FBXL12: variants seen among roughly 807,000 people sequenced by gnomAD.
FBXL12 encodes the protein F-box and leucine rich repeat protein 12.
A neutral mutation model predicts 24.9 loss-of-function variants in FBXL12; 22 were observed. The ratio of observed to expected loss-of-function variants is 0.88; its 90% confidence interval spans 0.63 to 1.26. The LOEUF is 1.26. Ranked by LOEUF, FBXL12 falls within the 50% of genes most tolerant of loss-of-function variation. The probability of loss-of-function intolerance (pLI) is 0.00; values close to 1 mark genes in which losing one functional copy is unlikely to be tolerated. For missense variants in FBXL12, 384 were observed against 434.1 expected (o/e 0.88, Z 1.03); for synonymous variants, 193 against 193.8 (o/e 1.00, Z 0.03).
Position 9,811,719 on chromosome 19 carries a change from T to C in FBXL12, c.160-2A>G. ...GTGCCACATGACTTTAGGTCGCATCTGTAAGAGCCAGAGATTGGGGTGACA... is the reference window on the plus strand; with the variant it reads ...GTGCCACATGACTTTAGGTCGCATCCGTAAGAGCCAGAGATTGGGGTGACA... On this transcript the variant is annotated splice_acceptor_variant, in intron 2 of 2. Coordinates refer to ENST00000247977, the MANE Select transcript of FBXL12 (RefSeq NM_017703.3). LOFTEE classifies it high-confidence loss of function. This position sits in a 1 kb window ranked among gnomAD's most constrained non-coding sequence, Gnocchi z 6.0. 3 of 1,508,304 alleles carry C rather than the reference T, an allele frequency of 2.0e-6. No homozygotes were observed. Among genetic ancestry groups the C allele is most frequent in the Non-Finnish European group, 2.7e-6 (3 of 1,128,446 alleles). 93.4% of individuals were successfully genotyped at this position (1,508,304 alleles called of 1,614,324 possible).
chr19:9,816,863 T>C (rs575635153), intron 2 of FBXL12, among the ~76,000 whole-genome samples: 1 of 152,318 alleles, frequency 6.6e-6, no homozygotes, highest in East Asian at 1.9e-4. Flanking sequence ...GAGGTTTAAT[T>C]GAACTTAAGT....
In FBXL12 at chr19:9,811,805, G is replaced by A. The variant is rs2045761794; in HGVS notation, c.160-88C>T. The A allele has an allele frequency of 5.3e-6, 6 of 1,139,700 alleles. No homozygotes were observed. The highest frequency in any genetic ancestry group is 5.9e-6 in the Non-Finnish European group (5 of 844,048). The allele number at this position is 1,139,700 out of a possible 1,614,324, so 70.6% of individuals were successfully genotyped here. On this transcript the variant is annotated intron_variant, in intron 2 of 2. Coordinates refer to ENST00000247977, the MANE Select transcript of FBXL12 (RefSeq NM_017703.3). This position sits in a 1 kb window ranked among gnomAD's most constrained non-coding sequence, Gnocchi z 6.0. ...GGCTGGAGACACACAACCCCGGGGT[G>A]GGGGATTCTGGTGCCCTGCTGGGCT...
Position 9,819,046 on chromosome 19 carries a change from A to T in FBXL12, c.-233T>A. The T allele has an allele frequency of 1.7e-6, 1 of 580,484 alleles. No homozygotes were observed. The highest frequency in any genetic ancestry group is 2.1e-5 in the South Asian group (1 of 48,726). 36.0% of individuals were successfully genotyped at this position (580,484 alleles called of 1,614,324 possible). On this transcript the variant is annotated 5_prime_UTR_variant, in exon 1 of 3. Coordinates refer to ENST00000247977, the MANE Select transcript of FBXL12 (RefSeq NM_017703.3). ...GTGAGAGGCTTGCGGGAGGTGGCTG[A>T]GGCGTGATTTGGCCGCGACTGGGAA...
At position 9,811,341 on chromosome 19, in the gene FBXL12, C is replaced by T. The variant is rs374801747; in HGVS notation, c.536G>A (p.Arg179His). Reference protein sequence around the residue: ...LQGLTRFRALRSLVLGGTYRV... With the variant: ...LQGLTRFRALHSLVLGGTYRV... ...GTAGGTACCACCCAGCACCAGCGAG[C>T]GCAAGGCCCGGAAGCGCGTCAGGCC... Residue 179 changes from arginine (R) to histidine (H), a missense_variant, in exon 3 of 3, where the codon CGC (arginine) becomes CAC (histidine). Coordinates refer to ENST00000247977, the MANE Select transcript of FBXL12 (RefSeq NM_017703.3). The surrounding 1 kb of genome is among the most constrained non-coding windows in gnomAD (Gnocchi z 6.0). 19 of 1,610,002 alleles carry T rather than the reference C, an allele frequency of 1.2e-5. No individual in the cohort carries two copies. The highest frequency in any genetic ancestry group is 2.7e-5 in the African/African-American group (2 of 74,942).
chr19:9,816,755 G>T (rs892315089), intron 2 of FBXL12, among the ~76,000 whole-genome samples: 1 of 152,084 alleles, frequency 6.6e-6, no homozygotes, highest in Non-Finnish European at 1.5e-5. Context: ...ACATTTTTGG[G>T]TATCTTTTCA....
In FBXL12 at chr19:9,818,550, A is replaced by G. The variant is rs2045934815; in HGVS notation, c.154T>C (p.Tyr52His). 2.6e-6 allele frequency: 4 copies of G among 1,548,718 alleles called. No individual in the cohort carries two copies. The highest frequency in any genetic ancestry group is 3.5e-6 in the Non-Finnish European group (4 of 1,150,074). Residue 52 changes from tyrosine (Y) to histidine (H), a missense_variant, in exon 2 of 3, where the codon TAC becomes CAC. Coordinates refer to ENST00000247977, the MANE Select transcript of FBXL12 (RefSeq NM_017703.3). ...GCCCGGCCAGCTGCGCGTACCGTGT[A>G]GAGCGTCAGGTCGACATGTCGCCAC... is the stretch of plus-strand genomic sequence containing the variant. ...WLWRHVDLTL[Y>H]TMRPKVMWHL...
chr19:9,810,991 C>T lies in FBXL12; in HGVS notation c.886G>A (p.Gly296Ser). Reference sequence around the variant, plus strand: ...CACAGGATCTTCTCCGCCTCCTGACCCTCCCACCCCAGCCCCTGCAGCTCA... The same window carrying T: ...CACAGGATCTTCTCCGCCTCCTGACTCTCCCACCCCAGCCCCTGCAGCTCA... ...VLELQGLGWE[G>S]QEAEKILCKG... Residue 296 changes from glycine to serine, a missense_variant, in exon 3 of 3, where the codon GGT (glycine) becomes AGT (serine). Gly to Ser is a moderately conservative substitution (Grantham distance 56). Transcript: ENST00000247977. 1 of 1,613,480 alleles carries T rather than the reference C, an allele frequency of 6.2e-7. No individual in the cohort carries two copies. The highest frequency in any genetic ancestry group is 1.1e-5 in the South Asian group (1 of 91,040).
intron 2 of FBXL12, among the ~76,000 whole-genome samples, chr19:9,812,231 T>G (rs1323931407): frequency 1.3e-5 from 2 of 152,142 alleles, no homozygotes; most frequent in Non-Finnish European, 2.9e-5. Context: ...CTCGGCCACT[T>G]AGAATAAATC....
intron 2 of FBXL12, chr19:9,813,174 C>T (rs961096016): frequency 3.0e-6 from 3 of 1,005,508 alleles, no homozygotes; most frequent in Non-Finnish European, 3.8e-6. Flanking sequence ...ATTGATAGCA[C>T]TGGGCATTTC....
chr19:9,811,796 C>T lies in FBXL12; in HGVS notation c.160-79G>A, dbSNP rs558077667. 263 of 1,260,596 alleles carry T rather than the reference C, an allele frequency of 2.1e-4. No individual in the cohort carries two copies. The highest frequency in any genetic ancestry group is 3.3e-4 in the Admixed American group (11 of 33,306). The allele number at this position is 1,260,596 out of a possible 1,614,324, so 78.1% of individuals were successfully genotyped here. A position where few individuals can be genotyped will look rare whatever the true frequency, so the allele number is the denominator to read the frequency against. The stretch of plus-strand genomic sequence containing the variant: ...CCCCTGCTGGGCTGGAGACACACAA[C>T]CCCGGGGTGGGGGATTCTGGTGCCC... On this transcript the variant is annotated intron_variant, in intron 2 of 2. Coordinates refer to ENST00000247977, the MANE Select transcript of FBXL12 (RefSeq NM_017703.3). The surrounding 1 kb of genome is among the most constrained non-coding windows in gnomAD (Gnocchi z 6.0).
At position 9,818,772 on chromosome 19, in the gene FBXL12, C is replaced by A. The variant is rs867947468; in HGVS notation, c.42G>T (p.Glu14Asp). Reference sequence around the variant, plus strand: ...CCCGTACCGGGAGGTAAGAGAAGATCTCGAGCAGGACCGAGTCCGGCAGTT... The same window carrying A: ...CCCGTACCGGGAGGTAAGAGAAGATATCGAGCAGGACCGAGTCCGGCAGTT... ...LVELPDSVLLEIFSYLPVRDR... is the reference protein window; with the variant it reads ...LVELPDSVLLDIFSYLPVRDR... Residue 14 changes from glutamate to aspartate, a missense_variant, in exon 1 of 3, where the codon GAG becomes GAT. Glu to Asp is a conservative substitution (Grantham distance 45). Transcript: ENST00000247977. 13 of 1,556,774 alleles carry A rather than the reference C, an allele frequency of 8.4e-6. No homozygotes were observed. The highest frequency in any genetic ancestry group is 1.1e-5 in the Non-Finnish European group (13 of 1,149,212).
At position 9,810,905 on chromosome 19, in the gene FBXL12, C is replaced by T. The variant is rs1270443209; in HGVS notation, c.972G>A (p.Trp324Ter). 1.9e-6 allele frequency: 3 copies of T among 1,581,468 alleles called. No individual in the cohort carries two copies. The highest frequency in any genetic ancestry group is 2.6e-6 in the Non-Finnish European group (3 of 1,156,128). The change falls in exon 3 of 3, where the codon TGG (tryptophan) becomes TGA (stop). Residue 324 changes from tryptophan (W) to a stop codon, truncating the protein, a stop_gained. Transcript: ENST00000247977. LOFTEE classifies it high-confidence loss of function. ...VRACPKESMD[W>*]WM Reference sequence around the variant, plus strand: ...AGGGCAGGTGGAGTAGTTACATCCACCAGTCCATAGACTCTTTGGGGCAAG... The same window carrying T: ...AGGGCAGGTGGAGTAGTTACATCCATCAGTCCATAGACTCTTTGGGGCAAG...
chr19:9,815,742 C>T (rs1434413967), intron 2 of FBXL12, among the ~76,000 whole-genome samples: 1 of 151,684 alleles, frequency 6.6e-6, no homozygotes, highest in Admixed American at 6.6e-5. Flanking sequence ...GCAACCTTTG[C>T]CTCCCGGGTT....
At position 9,811,713 on chromosome 19, in the gene FBXL12, C is replaced by T. The variant is rs761490439; in HGVS notation, c.164G>A (p.Arg55Gln). Residue 55 changes from arginine (R) to glutamine (Q), a missense_variant, in exon 3 of 3, where the codon CGA becomes CAA. Coordinates refer to ENST00000247977, the MANE Select transcript of FBXL12 (RefSeq NM_017703.3). This position sits in a 1 kb window ranked among gnomAD's most constrained non-coding sequence, Gnocchi z 6.0. ...RHVDLTLYTM[R>Q]PKVMWHLLRR... is the part of the protein sequence containing the mutation. The stretch of plus-strand genomic sequence containing the variant: ...AAGGAGGTGCCACATGACTTTAGGT[C>T]GCATCTGTAAGAGCCAGAGATTGGG... 2.1e-5 allele frequency: 31 copies of T among 1,508,722 alleles called. No homozygotes were observed. The highest frequency in any genetic ancestry group is 6.8e-5 in the Admixed American group (3 of 43,918). 93.5% of individuals were successfully genotyped at this position (1,508,722 alleles called of 1,614,324 possible). A position where few individuals can be genotyped will look rare whatever the true frequency, so the allele number is the denominator to read the frequency against.
At position 9,818,800 on chromosome 19, in the gene FBXL12, A is replaced by G; in HGVS notation, c.14T>C (p.Val5Ala). ...GAGCAGGACCGAGTCCGGCAGTTCG[A>G]CCAAAGTCGCCATGATCCCGCCGAC... Reference protein sequence around the residue: MATLVELPDSVLLEI... With the variant: MATLAELPDSVLLEI... Residue 5 changes from valine to alanine, a missense_variant, in exon 1 of 3, where the codon GTC becomes GCC. By Grantham distance (64) the Val-to-Ala change is moderately conservative (BLOSUM62 0). Transcript: ENST00000247977. The G allele has an allele frequency of 1.3e-6, 2 of 1,552,822 alleles. No homozygotes were observed. The highest frequency in any genetic ancestry group is 8.7e-7 in the Non-Finnish European group (1 of 1,146,524).
chr19:9,814,920 T>G, intron 2 of FBXL12, among the ~76,000 whole-genome samples: 1 of 143,646 alleles, frequency 7.0e-6, no homozygotes, highest in African/African-American at 2.9e-5. Flanking sequence ...AGCCAAACTA[T>G]ATCATTCCAC....
intron 2 of FBXL12, among the ~76,000 whole-genome samples, chr19:9,815,722 T>C (rs543367046): frequency 1.3e-5 from 2 of 151,970 alleles, no homozygotes; most frequent in Non-Finnish European, 2.9e-5. Flanking sequence ...TGGCACGATC[T>C]TGAGTCACTG....
rs551703185 is a variant in FBXL12, at chr19:9,810,938, G to A, written c.939C>T (p.Ile313=). 1.3e-5 allele frequency: 21 copies of A among 1,601,374 alleles called. No homozygotes were observed. Among genetic ancestry groups the A allele is most frequent in the South Asian group, 7.7e-5 (7 of 90,824 alleles). Residue 313 remains isoleucine, a synonymous_variant, in exon 3 of 3, where the codon ATC becomes ATT. Transcript: ENST00000247977. ...LCKGLPHCMV[I]VRACPKESMD... ...TAGACTCTTTGGGGCAAGCCCTGAC[G>A]ATGACCATACAGTGGGGCAGCCCCT...
intron 2 of FBXL12, among the ~76,000 whole-genome samples, chr19:9,812,352 G>A (rs2045772699): frequency 6.6e-6 from 1 of 151,892 alleles, no homozygotes; most frequent in African/African-American, 2.4e-5. Flanking sequence ...CCAACATGGT[G>A]AAACCATGTT....
Sources: gnomAD v4.1 joint callset for allele counts (sites outside exome capture counted in the v4.1 genomes callset) on GRCh38, gnomAD v4.1.1 for gene constraint, Gnocchi (gnomAD v3.1) non-coding constraint, MANE v1.5 for transcripts, NCBI Gene and HGNC (gene_info 2026-07-23, HGNC 2026-07-21) for gene names.